The following RAPGEF6 variants were observed in gnomAD, a reference collection of about 807,000 sequenced individuals.
The protein encoded by RAPGEF6 is Rap guanine nucleotide exchange factor 6.
RAPGEF6 carries 56 observed loss-of-function variants against 171.4 expected under a neutral mutation model. That is an observed-to-expected ratio of 0.33 (90% CI 0.26 to 0.41). The LOEUF (loss-of-function observed/expected upper bound fraction) is 0.41. Among genes scored for constraint, RAPGEF6 ranks in the 10% least tolerant of loss-of-function variants. The pLI, the probability that RAPGEF6 is intolerant of heterozygous loss-of-function variation, is 1.00. For missense variants in RAPGEF6, 1,674 were observed against 1,921.4 expected (o/e 0.87, Z 2.41); for synonymous variants, 692 against 650.1 (o/e 1.06, Z -0.98).
In RAPGEF6 at chr5:131,424,037, C is replaced by T. The variant is rs1751286247; in HGVS notation, c.*3229G>A. 6.6e-6 allele frequency: 1 copy of T among 152,182 alleles called. No homozygotes were observed. The highest frequency in any genetic ancestry group is 1.5e-5 in the Non-Finnish European group (1 of 67,994). The allele number at this position is 152,182 out of a possible 1,614,324, so 9.4% of individuals were successfully genotyped here. On this transcript the variant is annotated 3_prime_UTR_variant, in exon 28 of 28. Coordinates refer to ENST00000509018, the MANE Select transcript of RAPGEF6 (RefSeq NM_016340.6). ...CAAATATTTACACTCAGTAAAAATA[C>T]AAAAAGCATACAGAGGCACTGTCTT...
At chr5:131,441,745 C>T (rs562111070) in intron 23 of RAPGEF6, among the ~76,000 whole-genome samples, 1 of 152,218 alleles carries the variant, frequency 6.6e-6, no homozygotes, top group Non-Finnish European at 1.5e-5. Context: ...CAAAGTTCTA[C>T]TAAACATATA....
intron 17 of RAPGEF6, among the ~76,000 whole-genome samples, chr5:131,471,665 C>T (rs898349487): frequency 2.0e-5 from 3 of 151,922 alleles, no homozygotes; most frequent in East Asian, 1.9e-4. Flanking sequence ...TATTCAAAGT[C>T]GAAAGTTTTC....
chr5:131,571,179 T>C (rs1436539032), intron 4 of RAPGEF6, among the ~76,000 whole-genome samples: 1 of 152,054 alleles, frequency 6.6e-6, no homozygotes, highest in Non-Finnish European at 1.5e-5. Context: ...CAACTTCAGG[T>C]GATCCACCCG....
intron 19 of RAPGEF6, 95 bp downstream of exon 19, chr5:131,461,610 A>G: frequency 8.3e-7 from 1 of 1,212,046 alleles, no homozygotes. Context: ...TTAATTGAAC[A>G]TTTCTTTTCA....
chr5:131,504,501 AT>A, intron 11 of RAPGEF6, 124 bp downstream of exon 11: 1 of 1,059,716 alleles, frequency 9.4e-7, no homozygotes, highest in South Asian at 1.9e-5. Context: ...AAGAGTCAAC[AT>A]TTAAGTTAGA....
chr5:131,603,496 T>C (rs1278544329), intron 2 of RAPGEF6, among the ~76,000 whole-genome samples, 169 bp from the exon 3 acceptor site: 2 of 152,110 alleles, frequency 1.3e-5, no homozygotes, highest in African/African-American at 2.4e-5. Flanking sequence ...GTATTTTATA[T>C]ATATACATAA....
At chr5:131,610,880 T>G (rs772306727) in intron 1 of RAPGEF6, among the ~76,000 whole-genome samples, 24 of 152,184 alleles carry the variant, frequency 1.6e-4, no homozygotes, top group Non-Finnish European at 3.1e-4. Flanking sequence ...CTTGAAAATA[T>G]GCCTCTCAGA....
In RAPGEF6 at chr5:131,504,758, T is replaced by C; in HGVS notation, c.1122A>G (p.Gln374=). ...CATGGTTTAAAATTCTCCAATAATC[T>C]TGCTGGGCTATGCAGACAAACTGTC... ...DDCQFVCIAQ[Q]DYWRILNHVE... is the part of the protein sequence containing the mutation. The change falls in exon 11 of 28, where the codon CAA becomes CAG. Residue 374 remains glutamine, a synonymous_variant. Transcript: ENST00000509018. 6.2e-7 allele frequency: 1 copy of C among 1,613,034 alleles called. No individual in the cohort carries two copies.
intron 17 of RAPGEF6, among the ~76,000 whole-genome samples, chr5:131,466,926 T>C (rs896267423): frequency 1.3e-5 from 2 of 152,174 alleles, no homozygotes; most frequent in African/African-American, 4.8e-5. Flanking sequence ...ACCAACAATA[T>C]ACTGTTATTA....
Position 131,453,024 on chromosome 5 carries a change from C to T in RAPGEF6, c.3200+30G>A, listed in dbSNP as rs752964713. The T allele has an allele frequency of 6.3e-6, 10 of 1,597,038 alleles. No individual in the cohort carries two copies. In the East Asian group the frequency reaches 2.0e-4, roughly 32 times the overall value. On this transcript the variant is annotated intron_variant, in intron 21 of 27. Transcript: ENST00000509018. ...TTATTACATCACCCTTGATACCACT[C>T]TAACACTTTTACATATTTCAATGTC...
chr5:131,510,423 A>T lies in RAPGEF6; in HGVS notation c.696T>A (p.Asp232Glu). 4 of 1,614,110 alleles carry T rather than the reference A, an allele frequency of 2.5e-6. No homozygotes were observed. Among genetic ancestry groups the T allele is most frequent in the Middle Eastern group, 1.6e-4 (1 of 6,062 alleles). Residue 232 changes from aspartate to glutamate, a missense_variant, in exon 8 of 28, where the codon GAT becomes GAA. By Grantham distance (45) the Asp-to-Glu change is conservative (BLOSUM62 2). This residue lies in a region of RAPGEF6 where 1,116 missense variants were observed against 1,321.5 expected (regional missense o/e 0.84). Transcript: ENST00000509018. Reference protein sequence around the residue: ...RLPEGPVDSEDDEEEDEEIDR... With the variant: ...RLPEGPVDSEEDEEEDEEIDR... ...CAATCTCTTCATCTTCCTCTTCGTC[A>T]TCCTCAGAATCAACAGGTCCTTCTG...
chr5:131,449,871 C>T (rs563943234), intron 21 of RAPGEF6, among the ~76,000 whole-genome samples: 77 of 152,284 alleles, frequency 5.1e-4, no homozygotes, highest in African/African-American at 1.6e-3. Flanking sequence ...TCACTACTTT[C>T]ACCTTGTTAG....
chr5:131,574,254 C>T (rs1580602940), intron 4 of RAPGEF6, among the ~76,000 whole-genome samples: 2 of 152,272 alleles, frequency 1.3e-5, no homozygotes, highest in South Asian at 4.1e-4. Context: ...ATTCACATCG[C>T]CGCTGCTCCT....
rs892711684 is a variant in RAPGEF6 at position 131,517,331 on chromosome 5, G to A, written c.627+4059C>T. ...ATTTTTCTGGATAAGAAGACTCCAC[G>A]TTAGAAAAAAATGCCCAAATTAATC... On this transcript the variant is annotated intron_variant, in intron 7 of 27. Coordinates refer to ENST00000509018, the MANE Select transcript of RAPGEF6 (RefSeq NM_016340.6). Among the ~76,000 whole-genome samples the A allele has an allele frequency of 5.3e-5, 8 of 151,650 alleles. No individual in the cohort carries two copies. In the East Asian group the frequency reaches 9.7e-4, roughly 18 times the overall value.
Position 131,590,573 on chromosome 5 carries a change from C to A in RAPGEF6, c.281+1810G>T, listed in dbSNP as rs370650001. Among the ~76,000 whole-genome samples, 6 of 152,212 alleles carry A rather than the reference C, an allele frequency of 3.9e-5. No individual in the cohort carries two copies. The East Asian group carries it at 1.2e-3, about 29-fold the overall frequency. On this transcript the variant is annotated intron_variant, in intron 4 of 27. Coordinates refer to ENST00000509018, the MANE Select transcript of RAPGEF6 (RefSeq NM_016340.6). Reference sequence around the variant, plus strand: ...ATCCTAAAAATGAACCTACAATAGCCTATTATAAATCTTTCACACAAAAGA... The same window carrying A: ...ATCCTAAAAATGAACCTACAATAGCATATTATAAATCTTTCACACAAAAGA...
At chr5:131,554,797 G>A (rs1450821273) in intron 5 of RAPGEF6, among the ~76,000 whole-genome samples, 1 of 152,152 alleles carries the variant, frequency 6.6e-6, no homozygotes, top group Non-Finnish European at 1.5e-5. Flanking sequence ...GATTACAGGA[G>A]GGAGCCACTG....
chr5:131,590,636 T>C (rs990497062), intron 4 of RAPGEF6, among the ~76,000 whole-genome samples: 8 of 152,212 alleles, frequency 5.3e-5, no homozygotes, highest in African/African-American at 1.9e-4. Context: ...AGAATAAAGA[T>C]TAAACTTCCA....
chr5:131,581,350 G>A (rs1762948545), intron 4 of RAPGEF6, among the ~76,000 whole-genome samples: 1 of 152,164 alleles, frequency 6.6e-6, no homozygotes, highest in African/African-American at 2.4e-5. Flanking sequence ...CTCTAACTGA[G>A]TATCCTGGCT....
intron 22 of RAPGEF6, among the ~76,000 whole-genome samples, chr5:131,443,495 C>T (rs1301973083): frequency 6.6e-6 from 1 of 152,212 alleles, no homozygotes; most frequent in Non-Finnish European, 1.5e-5. Context: ...TTCTAGCATG[C>T]CTTCAAGGCA....
Sources: gnomAD v4.1 joint callset for allele counts (sites outside exome capture counted in the v4.1 genomes callset) on GRCh38, gnomAD v4.1.1 for gene constraint, gnomAD v4.1.1 regional missense constraint, MANE v1.5 for transcripts, NCBI Gene and HGNC (gene_info 2026-07-23, HGNC 2026-07-21) for gene names.